The following SLCO1B3 variants were observed in gnomAD, a reference collection of about 807,000 sequenced individuals.
The protein encoded by SLCO1B3 is liver-specific organic anion transporter 2.
In SLCO1B3, 72 loss-of-function variants were observed where a neutral mutation model predicts 71.8. The observed-to-expected ratio is 1.00, with a 90% CI of 0.83 to 1.22. The LOEUF (loss-of-function observed/expected upper bound fraction) is 1.22. Ranked by LOEUF, SLCO1B3 falls within the 50% of genes most tolerant of loss-of-function variation. The pLI, the probability that SLCO1B3 is intolerant of heterozygous loss-of-function variation, is 0.00. For synonymous variants in SLCO1B3, 298 were observed against 278.4 expected, an observed-to-expected ratio of 1.07 and a Z score of -0.70; for missense variants, 911 against 819.7, an observed-to-expected ratio of 1.11 and a Z score of -1.36.
chr12:20,832,003 A>G (rs949493134), intron 3 of SLCO1B3, among the ~76,000 whole-genome samples: 1 of 152,212 alleles, frequency 6.6e-6, no homozygotes, highest in African/African-American at 2.4e-5. Flanking sequence ...GAATTTCCCT[A>G]GTTCTCCCAG....
intron 3 of SLCO1B3, among the ~76,000 whole-genome samples, chr12:20,844,000 G>A (rs1864855164): frequency 6.6e-6 from 1 of 151,672 alleles, no homozygotes; most frequent in African/African-American, 2.4e-5. Context: ...TGGAAAATGT[G>A]CATTTATTTT....
At chr12:20,889,341 G>A (rs1362163530) in intron 13 of SLCO1B3, among the ~76,000 whole-genome samples, 1 of 151,808 alleles carries the variant, frequency 6.6e-6, no homozygotes, top group East Asian at 1.9e-4. Flanking sequence ...GTTGTCATCA[G>A]GAGATTTTTT....
rs530327030 is a variant in SLCO1B3, at chr12:20,867,615, A to G, written c.727+4761A>G. Among the ~76,000 whole-genome samples, 4 of 152,340 alleles carry G rather than the reference A, an allele frequency of 2.6e-5. No homozygotes were observed. The South Asian group carries it at 6.2e-4, about 24-fold the overall frequency. On this transcript the variant is annotated intron_variant, in intron 8 of 15. Coordinates refer to ENST00000381545, the MANE Select transcript of SLCO1B3 (RefSeq NM_019844.4). ...GCAGCGACAGAAACAAATTGACATCAGACAGTCTGGCAGAAGTGTTCTGAT... is the reference window on the plus strand; with the variant it reads ...GCAGCGACAGAAACAAATTGACATCGGACAGTCTGGCAGAAGTGTTCTGAT...
At chr12:20,835,247 C>T (rs7958873) in intron 3 of SLCO1B3, among the ~76,000 whole-genome samples, 35 of 152,258 alleles carry the variant, frequency 2.3e-4, no homozygotes, top group Middle Eastern at 6.8e-3. Context: ...CCTCCAGACC[C>T]GTGATGGGCG....
intron 3 of SLCO1B3, among the ~76,000 whole-genome samples, chr12:20,832,257 A>G (rs913404946): frequency 5.3e-5 from 8 of 152,090 alleles, no homozygotes; most frequent in Non-Finnish European, 8.8e-5. Flanking sequence ...ATACAGACTC[A>G]GTGGATGGAA....
chr12:20,898,262 C>T (rs1239537745), intron 13 of SLCO1B3, among the ~76,000 whole-genome samples, 174 bp from the exon 14 acceptor site: 3 of 152,032 alleles, frequency 2.0e-5, no homozygotes, highest in Non-Finnish European at 4.4e-5. Context: ...ATTATTATCA[C>T]TCAGGTGTTT....
chr12:20,830,114 C>G (rs1195082763), intron 3 of SLCO1B3, among the ~76,000 whole-genome samples: 2 of 152,142 alleles, frequency 1.3e-5, no homozygotes, highest in Non-Finnish European at 2.9e-5. Flanking sequence ...GATGGAGTTG[C>G]TCTGGTTCAC....
intron 3 of SLCO1B3, among the ~76,000 whole-genome samples, chr12:20,832,022 AG>A (rs1475634409): frequency 6.6e-6 from 1 of 152,212 alleles, no homozygotes; most frequent in Non-Finnish European, 1.5e-5. Context: ...AGCTCGTGAA[AG>A]ATGGAGCCAA....
chr12:20,820,795 TG>T (rs111335575), intron 3 of SLCO1B3, among the ~76,000 whole-genome samples: 74,479 of 147,648 alleles, frequency 0.5, 18,054 homozygotes, highest in East Asian at 0.7. Context: ...AGCCATGAAC[TG>T]GGCTGGGTTT....
At chr12:20,833,652 C>CTG (rs1319105492) in intron 3 of SLCO1B3, among the ~76,000 whole-genome samples, 2 of 115,250 alleles carry the variant, frequency 1.7e-5, no homozygotes, top group Non-Finnish European at 4.0e-5. Flanking sequence ...TACACACAAA[C>CTG]TGTGTGTGTG....
intron 3 of SLCO1B3, among the ~76,000 whole-genome samples, chr12:20,849,027 A>T (rs1164170034): frequency 6.6e-6 from 1 of 152,146 alleles, no homozygotes; most frequent in Non-Finnish European, 1.5e-5. Flanking sequence ...CACCAATAGA[A>T]GGTAAACATA....
chr12:20,840,824 C>T (rs1206503812), intron 3 of SLCO1B3, among the ~76,000 whole-genome samples: 3 of 152,058 alleles, frequency 2.0e-5, no homozygotes, highest in African/African-American at 4.8e-5. Flanking sequence ...TATGAGGCTC[C>T]AATTAATTAG....
At chr12:20,886,873 C>A (rs1865801290) in intron 13 of SLCO1B3, among the ~76,000 whole-genome samples, 1 of 151,920 alleles carries the variant, frequency 6.6e-6, no homozygotes, top group Non-Finnish European at 1.5e-5. Context: ...TCCCTTCCAC[C>A]CTCCCACACT....
intron 3 of SLCO1B3, among the ~76,000 whole-genome samples, chr12:20,828,397 C>G (rs143152768): frequency 6.0e-4 from 90 of 150,786 alleles, no homozygotes; most frequent in African/African-American, 2.2e-3. Context: ...TAAGGAAAAA[C>G]AGAGATTTCT....
chr12:20,887,686 T>G (rs1865819361), intron 13 of SLCO1B3, among the ~76,000 whole-genome samples: 1 of 151,508 alleles, frequency 6.6e-6, no homozygotes. Flanking sequence ...CTCTGTTGAT[T>G]ATTATTATTA....
chr12:20,908,741 A>C (rs1866306392), intron 15 of SLCO1B3, among the ~76,000 whole-genome samples: 1 of 152,176 alleles, frequency 6.6e-6, no homozygotes, highest in African/African-American at 2.4e-5. Flanking sequence ...AGCACTGAAC[A>C]ATAATTGATT....
In SLCO1B3 at chr12:20,879,459, G is replaced by A; in HGVS notation, c.1159G>A (p.Ala387Thr). 1 of 1,605,882 alleles carries A rather than the reference G, an allele frequency of 6.2e-7. No individual in the cohort carries two copies. The highest frequency in any genetic ancestry group is 1.7e-5 in the Admixed American group (1 of 59,234). Residue 387 changes from alanine to threonine, a missense_variant, in exon 11 of 16, where the codon GCA becomes ACA. Ala to Thr is a moderately conservative substitution (Grantham distance 58, BLOSUM62 0). Transcript: ENST00000381545. Reference sequence around the variant, plus strand: ...AGGAATCATAACCATTCCTACGGTTGCAACTGGAATGTTTTTAGGAGGATT... The same window carrying A: ...AGGAATCATAACCATTCCTACGGTTACAACTGGAATGTTTTTAGGAGGATT... ...LLGIITIPTVATGMFLGGFII... is the reference protein window; with the variant it reads ...LLGIITIPTVTTGMFLGGFII...
At chr12:20,846,084 C>A (rs1864914033) in intron 3 of SLCO1B3, among the ~76,000 whole-genome samples, 1 of 151,890 alleles carries the variant, frequency 6.6e-6, no homozygotes, top group Non-Finnish European at 1.5e-5. Flanking sequence ...AACAGTTACA[C>A]ATATTTATTT....
chr12:20,827,817 C>G (rs1308135197), intron 3 of SLCO1B3, among the ~76,000 whole-genome samples: 3 of 152,122 alleles, frequency 2.0e-5, no homozygotes, highest in Non-Finnish European at 4.4e-5. Flanking sequence ...ATCCGCCCGC[C>G]TTGGCCTTCC....
Sources: gnomAD v4.1 joint callset for allele counts (sites outside exome capture counted in the v4.1 genomes callset) on GRCh38, gnomAD v4.1.1 for gene constraint, MANE v1.5 for transcripts, NCBI Gene and HGNC (gene_info 2026-07-23, HGNC 2026-07-21) for gene names.